HECTD4: variants seen among roughly 807,000 people sequenced by gnomAD.
HECTD4 encodes probable E3 ubiquitin-protein ligase HECTD4.
In HECTD4, 114 loss-of-function variants were observed where a neutral mutation model predicts 471.5. The ratio of observed to expected loss-of-function variants is 0.24; its 90% CI spans 0.21 to 0.28. The LOEUF is 0.28. Among genes scored for constraint, HECTD4 ranks in the 10% least tolerant of loss-of-function variants. The probability of loss-of-function intolerance (pLI) is 1.00; values close to 1 mark genes in which losing one functional copy is unlikely to be tolerated. For missense variants in HECTD4, 3,866 were observed against 5,651.5 expected, an observed-to-expected ratio of 0.68 and a Z score of 10.13; for synonymous variants, 2,012 against 2,256.0, an observed-to-expected ratio of 0.89 and a Z score of 3.07.
chr12:112,192,183 A>T (rs1481614492), intron 59 of HECTD4, among the ~76,000 whole-genome samples: 1 of 152,200 alleles, frequency 6.6e-6, no homozygotes, highest in Admixed American at 6.5e-5. Context: ...CTGGGGAGCC[A>T]TGTTGAGAAT....
chr12:112,368,750 C>G (rs1180727290), intron 1 of HECTD4, among the ~76,000 whole-genome samples: 2 of 152,102 alleles, frequency 1.3e-5, no homozygotes, highest in Non-Finnish European at 2.9e-5. Context: ...TTTATTGTCT[C>G]TCTTATACTT....
In HECTD4 at chr12:112,228,688, A is replaced by G. The variant is rs773863931; in HGVS notation, c.6643T>C (p.Leu2215=). Reference sequence around the variant, plus strand: ...CAAAGTCTAGACAATGGAATAGTCAATGTGTCTGACGCTTGCGAAGTCTTT... The same window carrying G: ...CAAAGTCTAGACAATGGAATAGTCAGTGTGTCTGACGCTTGCGAAGTCTTT... ...CRKTSQASDT[L]TIPLSRLCVP... Residue 2215 remains leucine (L), a synonymous_variant, in exon 42 of 76, where the codon TTG becomes CTG. Transcript: ENST00000682272. This position sits in a 1 kb window ranked among gnomAD's most constrained non-coding sequence, Gnocchi z 4.9. 2.5e-6 allele frequency: 4 copies of G among 1,612,190 alleles called. No individual in the cohort carries two copies. The highest frequency in any genetic ancestry group is 2.5e-6 in the Non-Finnish European group (3 of 1,179,536).
At chr12:112,202,027 T>C (rs1459472145) in intron 54 of HECTD4, among the ~76,000 whole-genome samples, 2 of 152,208 alleles carry the variant, frequency 1.3e-5, no homozygotes, top group South Asian at 4.1e-4. Flanking sequence ...AAAAATATCA[T>C]CCTAATGTAT....
chr12:112,339,938 A>G (rs1262752800), intron 1 of HECTD4, among the ~76,000 whole-genome samples: 1 of 152,060 alleles, frequency 6.6e-6, no homozygotes, highest in African/African-American at 2.4e-5. Flanking sequence ...AATCCCAGCT[A>G]CTTGGGAAGC....
intron 1 of HECTD4, among the ~76,000 whole-genome samples, chr12:112,339,700 CT>C (rs1686098632): frequency 6.6e-6 from 1 of 152,162 alleles, no homozygotes; most frequent in Non-Finnish European, 1.5e-5. Context: ...CAGTCCCTGA[CT>C]TACGATGTGC....
chr12:112,178,962 C>T lies in HECTD4; in HGVS notation c.11332G>A (p.Ala3778Thr), dbSNP rs569645542. 3.0e-5 allele frequency: 49 copies of T among 1,612,598 alleles called. No individual in the cohort carries two copies. Among genetic ancestry groups the T allele is most frequent in the East Asian group, 2.7e-4 (12 of 44,872 alleles). Residue 3778 changes from alanine (A) to threonine (T), a missense_variant, in exon 64 of 76, where the codon GCC becomes ACC. Transcript: ENST00000682272. ...CTGTTGAGCACAGCCTTGTCCTTGG[C>T]GGGCGGCTTGGTGATAGGCCGCTTG... is the stretch of plus-strand genomic sequence containing the variant. ...STKRPITKPPAKDKAVLNSVS... is the reference protein window; with the variant it reads ...STKRPITKPPTKDKAVLNSVS...
chr12:112,207,714 T>C (rs1270499916), intron 52 of HECTD4, among the ~76,000 whole-genome samples, 160 bp downstream of exon 52: 2 of 152,108 alleles, frequency 1.3e-5, no homozygotes, highest in Admixed American at 6.5e-5. Context: ...AGTCCAGCAA[T>C]GAAAACAAAA....
At chr12:112,312,063 C>T (rs1044596287) in intron 4 of HECTD4, among the ~76,000 whole-genome samples, 9 of 152,152 alleles carry the variant, frequency 5.9e-5, no homozygotes, top group Non-Finnish European at 1.5e-5. Flanking sequence ...CTCCTCCGTG[C>T]TGGTGGGGTT....
At chr12:112,200,065 C>T (rs2032373086) in intron 55 of HECTD4, among the ~76,000 whole-genome samples, 1 of 152,102 alleles carries the variant, frequency 6.6e-6, no homozygotes, top group African/African-American at 2.4e-5. Flanking sequence ...GTCTTAAGTT[C>T]AATGAGTCAG....
rs777209511 is a variant in HECTD4, at chr12:112,184,809, C to T, written c.10157G>A (p.Cys3386Tyr). 4 of 1,609,846 alleles carry T rather than the reference C, an allele frequency of 2.5e-6. No homozygotes were observed. In the East Asian group the frequency reaches 8.9e-5, roughly 36 times the overall value. ...GGCGGTGGGGCCCACCAGGGCCTGGCAGGCATCGGCGATGGCGTCACTCGT... is the reference window on the plus strand; with the variant it reads ...GGCGGTGGGGCCCACCAGGGCCTGGTAGGCATCGGCGATGGCGTCACTCGT... Reference protein sequence around the residue: ...GVTSDAIADACQALVGPTAHS... With the variant: ...GVTSDAIADAYQALVGPTAHS... The change falls in exon 61 of 76, where the codon TGC (cysteine) becomes TAC (tyrosine). Residue 3386 changes from cysteine (C) to tyrosine (Y), a missense_variant. This residue lies in a region of HECTD4 where 71 missense variants were observed against 144.5 expected (regional missense o/e 0.49). Transcript: ENST00000682272. The surrounding 1 kb of genome is among the most constrained non-coding windows in gnomAD (Gnocchi z 9.1).
chr12:112,163,419 G>A lies in HECTD4; in HGVS notation c.12897+123C>T. The A allele has an allele frequency of 3.9e-6, 4 of 1,034,106 alleles. No homozygotes were observed. The South Asian group carries it at 6.7e-5, about 17-fold the overall frequency. The allele number at this position is 1,034,106 out of a possible 1,614,324, so 64.1% of individuals were successfully genotyped here. ...GATGACAATGATGACAATGATACAG[G>A]TCTGTGGCAAGGACAGAGCTGAGAC... is the stretch of plus-strand genomic sequence containing the variant. On this transcript the variant is annotated intron_variant, in intron 74 of 75. Coordinates refer to ENST00000682272, the MANE Select transcript of HECTD4 (RefSeq NM_001388303.1). The surrounding 1 kb of genome is among the most constrained non-coding windows in gnomAD (Gnocchi z 8.2).
chr12:112,267,892 C>A (rs2135614859), intron 13 of HECTD4, among the ~76,000 whole-genome samples: 1 of 152,286 alleles, frequency 6.6e-6, no homozygotes, highest in Admixed American at 6.5e-5. Flanking sequence ...GTGATCTCAG[C>A]TCATTGCAGC....
Position 112,179,147 on chromosome 12 carries a change from C to T in HECTD4, c.11211+27G>A. 6.2e-7 allele frequency: 1 copy of T among 1,613,486 alleles called. No homozygotes were observed. The highest frequency in any genetic ancestry group is 8.5e-7 in the Non-Finnish European group (1 of 1,179,698). Reference sequence around the variant, plus strand: ...CCCTGCAGGGCACCCAAGGCCCGGCCTGGGTATGGTGGGGACGGGCAGCTA... The same window carrying T: ...CCCTGCAGGGCACCCAAGGCCCGGCTTGGGTATGGTGGGGACGGGCAGCTA... On this transcript the variant is annotated intron_variant, in intron 63 of 75. Transcript: ENST00000682272. This position sits in a 1 kb window ranked among gnomAD's most constrained non-coding sequence, Gnocchi z 4.3.
At position 112,184,922 on chromosome 12, in the gene HECTD4, G is replaced by C. The variant is rs1312461167; in HGVS notation, c.10044C>G (p.Pro3348=). 3 of 1,613,646 alleles carry C rather than the reference G, an allele frequency of 1.9e-6. No homozygotes were observed. Among genetic ancestry groups the C allele is most frequent in the East Asian group, 4.5e-5 (2 of 44,886 alleles). ...CGCGGTGGAACCACAGCATGTCCTCGGGCTTGCTGCCTCCGATGCTGAGCA... is the reference window on the plus strand; with the variant it reads ...CGCGGTGGAACCACAGCATGTCCTCCGGCTTGCTGCCTCCGATGCTGAGCA... ...PTVLSIGGSK[P]EDMLWFHRAL... The change falls in exon 61 of 76, where the codon CCC becomes CCG. Residue 3348 remains proline (P), a synonymous_variant. Transcript: ENST00000682272. The surrounding 1 kb of genome is among the most constrained non-coding windows in gnomAD (Gnocchi z 9.1).
chr12:112,320,728 C>T (rs2035568739), intron 1 of HECTD4, among the ~76,000 whole-genome samples: 1 of 151,964 alleles, frequency 6.6e-6, no homozygotes, highest in Non-Finnish European at 1.5e-5. Context: ...GTTTCTAACT[C>T]CTATTACCAG....
intron 9 of HECTD4, 106 bp downstream of exon 9, chr12:112,279,122 G>A (rs2034584926): frequency 1.1e-6 from 1 of 949,730 alleles, no homozygotes; most frequent in South Asian, 1.6e-5. Flanking sequence ...GAGAGCTATT[G>A]CAAACAACTA....
At position 112,176,714 on chromosome 12, in the gene HECTD4, A is replaced by G; in HGVS notation, c.11364-12T>C. ...TTAAGGCAGTCCTGCTGTAGACCAA[A>G]GCACTGGAATTAGACTAATGCACGT... On this transcript the variant is annotated splice_polypyrimidine_tract_variant and intron_variant, in intron 64 of 75. Coordinates refer to ENST00000682272, the MANE Select transcript of HECTD4 (RefSeq NM_001388303.1). 1 of 1,588,520 alleles carries G rather than the reference A, an allele frequency of 6.3e-7. No individual in the cohort carries two copies. The highest frequency in any genetic ancestry group is 8.6e-7 in the Non-Finnish European group (1 of 1,156,716).
intron 11 of HECTD4, among the ~76,000 whole-genome samples, chr12:112,271,449 G>A (rs1173183094): frequency 8.5e-5 from 13 of 152,214 alleles, no homozygotes. Flanking sequence ...AATATCACTA[G>A]TAATAAGTCA....
chr12:112,207,112 GTGTGTGTATGTA>G (rs1345262679), intron 52 of HECTD4, among the ~76,000 whole-genome samples: 2 of 143,076 alleles, frequency 1.4e-5, no homozygotes, highest in Admixed American at 6.9e-5. Flanking sequence ...GTATATGTGT[GTGTGTGTATGTA>G]TGTATGTATG....
Sources: gnomAD v4.1 joint callset for allele counts (sites outside exome capture counted in the v4.1 genomes callset) on GRCh38, gnomAD v4.1.1 for gene constraint, gnomAD v4.1.1 regional missense constraint, Gnocchi (gnomAD v3.1) non-coding constraint, MANE v1.5 for transcripts, NCBI Gene and HGNC (gene_info 2026-07-23, HGNC 2026-07-21) for gene names.